The following LIN28B variants were observed in gnomAD, a reference collection of about 807,000 sequenced individuals.
LIN28B encodes protein lin-28 homolog B.
In LIN28B, 5 loss-of-function variants were observed where a neutral mutation model predicts 21.9. That is an observed-to-expected ratio of 0.23 (90% confidence interval 0.12 to 0.48). The LOEUF (loss-of-function observed/expected upper bound fraction) is 0.48. Among genes scored for constraint, LIN28B ranks in the 20% least tolerant of loss-of-function variants. The pLI is 0.98. For missense variants in LIN28B, 245 were observed against 310.5 expected, an observed-to-expected ratio of 0.79 and a Z score of 1.58; for synonymous variants, 109 against 111.3, an observed-to-expected ratio of 0.98 and a Z score of 0.13.
rs115075343 is a variant in LIN28B at position 104,976,896 on chromosome 6, A to G, written c.198+18610A>G. Among the ~76,000 whole-genome samples, 1,078 of 152,318 alleles carry G rather than the reference A, an allele frequency of 7.1e-3. 11 individuals carry two copies. Among genetic ancestry groups the G allele is most frequent in the African/African-American group, 0.024 (997 of 41,576 alleles). ...ATACTTTTTGTTAGCCCTTACCCTGAACATTGCTATTGGTGAATTTATTTA... is the reference window on the plus strand; with the variant it reads ...ATACTTTTTGTTAGCCCTTACCCTGGACATTGCTATTGGTGAATTTATTTA... On this transcript the variant is annotated intron_variant, in intron 2 of 3. Transcript: ENST00000345080.
intron 2 of LIN28B, among the ~76,000 whole-genome samples, chr6:104,967,576 C>CAAAAAAAA (rs71003462): frequency 1.7e-3 from 105 of 60,674 alleles, no homozygotes; most frequent in Non-Finnish European, 2.3e-3. Flanking sequence ...AACTCCCTCT[C>CAAAAAAAA]AAAAAAAAAA....
chr6:105,067,273 A>T (rs1772236707), intron 3 of LIN28B, among the ~76,000 whole-genome samples: 1 of 152,236 alleles, frequency 6.6e-6, no homozygotes, highest in Non-Finnish European at 1.5e-5. Context: ...GGTCAGTAAG[A>T]CCAAATAGAG....
chr6:104,973,442 C>T (rs314266), intron 2 of LIN28B, among the ~76,000 whole-genome samples: 76,089 of 151,884 alleles, frequency 0.5, 20,315 homozygotes, highest in East Asian at 0.69. Context: ...TTATTCCCTG[C>T]CCTATCATTA....
chr6:105,020,107 CTTTTTTTTTT>C (rs1158938023), intron 2 of LIN28B, among the ~76,000 whole-genome samples: 4 of 87,610 alleles, frequency 4.6e-5, no homozygotes, highest in Non-Finnish European at 8.8e-5. Flanking sequence ...TCCTGTTATT[CTTTTTTTTTT>C]TTTTTTTTTT....
At chr6:104,958,820 A>T (rs1456954337) in intron 2 of LIN28B, among the ~76,000 whole-genome samples, 1 of 152,226 alleles carries the variant, frequency 6.6e-6, no homozygotes, top group Non-Finnish European at 1.5e-5. Context: ...GTAAAATAAA[A>T]TAGAACACTG....
At chr6:105,003,847 A>G (rs901641295) in intron 2 of LIN28B, among the ~76,000 whole-genome samples, 2 of 152,184 alleles carry the variant, frequency 1.3e-5, no homozygotes, top group Non-Finnish European at 2.9e-5. Context: ...ACAAAGCAAT[A>G]ATTTTAAAAA....
intron 2 of LIN28B, among the ~76,000 whole-genome samples, chr6:104,976,424 G>C (rs1298533330): frequency 6.6e-6 from 1 of 152,128 alleles, no homozygotes; most frequent in African/African-American, 2.4e-5. Flanking sequence ...AAGGAGTTGT[G>C]GGCAGAGGCT....
Position 104,958,096 on chromosome 6 carries a change from C to T in LIN28B, c.11-3C>T, listed in dbSNP as rs1481544254. 4 of 1,562,912 alleles carry T rather than the reference C, an allele frequency of 2.6e-6. No homozygotes were observed. The highest frequency in any genetic ancestry group is 3.5e-6 in the Non-Finnish European group (4 of 1,146,224). On this transcript the variant is annotated splice_region_variant and splice_polypyrimidine_tract_variant and intron_variant, in intron 1 of 3. Transcript: ENST00000345080. Reference sequence around the variant, plus strand: ...CTGACTTTTTTGTCCTGTTCCTTCTCAGGCGGGGCTAGCAAAGGTGGTGGA... The same window carrying T: ...CTGACTTTTTTGTCCTGTTCCTTCTTAGGCGGGGCTAGCAAAGGTGGTGGA...
chr6:104,978,143 T>C (rs1178041475), intron 2 of LIN28B, among the ~76,000 whole-genome samples: 1 of 152,236 alleles, frequency 6.6e-6, no homozygotes, highest in Non-Finnish European at 1.5e-5. Context: ...CAAGATAGTT[T>C]TGGGCTACTG....
At chr6:105,070,735 G>A (rs188237116) in intron 3 of LIN28B, among the ~76,000 whole-genome samples, 2 of 151,932 alleles carry the variant, frequency 1.3e-5, no homozygotes, top group East Asian at 3.9e-4. Flanking sequence ...CCCTTATCAC[G>A]CCACTGCACT....
intron 3 of LIN28B, among the ~76,000 whole-genome samples, chr6:105,076,730 G>A (rs1330548071): frequency 6.6e-6 from 1 of 151,732 alleles, no homozygotes; most frequent in South Asian, 2.1e-4. Context: ...TCAGCCTCCC[G>A]AGTAGCTTGG....
intron 3 of LIN28B, among the ~76,000 whole-genome samples, chr6:105,047,159 T>C (rs1287855554): frequency 6.6e-6 from 1 of 152,200 alleles, no homozygotes; most frequent in African/African-American, 2.4e-5. Flanking sequence ...AGGTCTAACA[T>C]TTAAGTCTTT....
Position 105,078,399 on chromosome 6 carries a change from C to A in LIN28B, c.384-15C>A. On this transcript the variant is annotated splice_polypyrimidine_tract_variant and intron_variant, in intron 3 of 3. Coordinates refer to ENST00000345080, the MANE Select transcript of LIN28B (RefSeq NM_001004317.4). ...CTGCCTACTTCTAAGATGTTTTCAT[C>A]TTTTTTCCTTGTAGATGCTACAACT... 1 of 1,580,328 alleles carries A rather than the reference C, an allele frequency of 6.3e-7. No individual in the cohort carries two copies. The highest frequency in any genetic ancestry group is 8.6e-7 in the Non-Finnish European group (1 of 1,157,812).
chr6:105,080,845 A>T lies in LIN28B; in HGVS notation c.*2062A>T, dbSNP rs945899838. 1 of 152,664 alleles carries T rather than the reference A, an allele frequency of 6.6e-6. No homozygotes were observed. The highest frequency in any genetic ancestry group is 1.5e-5 in the Non-Finnish European group (1 of 68,050). 9.5% of individuals were successfully genotyped at this position (152,664 alleles called of 1,614,324 possible). Reference sequence around the variant, plus strand: ...ACATGATAGATAAGTCACTTTGAAAATTCAAACCAAAGTTCCTTCACCTTA... The same window carrying T: ...ACATGATAGATAAGTCACTTTGAAATTTCAAACCAAAGTTCCTTCACCTTA... On this transcript the variant is annotated 3_prime_UTR_variant, in exon 4 of 4. Transcript: ENST00000345080.
intron 2 of LIN28B, among the ~76,000 whole-genome samples, chr6:104,979,802 T>C (rs931834074): frequency 2.0e-5 from 3 of 152,244 alleles, no homozygotes; most frequent in African/African-American, 7.2e-5. Flanking sequence ...TTCTGAATTA[T>C]ATTTGTAGAT....
chr6:104,970,127 T>C (rs1251698285), intron 2 of LIN28B, among the ~76,000 whole-genome samples: 1 of 152,212 alleles, frequency 6.6e-6, no homozygotes, highest in African/African-American at 2.4e-5. Flanking sequence ...ATTGTTTATA[T>C]ACTGAATTTT....
At chr6:105,067,591 A>G (rs1772244214) in intron 3 of LIN28B, among the ~76,000 whole-genome samples, 1 of 151,928 alleles carries the variant, frequency 6.6e-6, no homozygotes, top group Non-Finnish European at 1.5e-5. Context: ...AAACTTTTCC[A>G]TTAGCCAGAA....
chr6:105,066,363 A>G (rs1772219835), intron 3 of LIN28B, among the ~76,000 whole-genome samples: 1 of 152,200 alleles, frequency 6.6e-6, no homozygotes, highest in Admixed American at 6.5e-5. Flanking sequence ...AAAGCTTTGA[A>G]TAACCCAGAA....
In LIN28B at chr6:105,050,793, AT is replaced by A. The variant is rs1021303951; in HGVS notation, c.383+24320del. 1.1e-4 allele frequency among the ~76,000 whole-genome samples: 16 copies of A among 150,750 alleles called. 1 individual carries two copies. Among genetic ancestry groups the A allele is most frequent in the African/African-American group, 3.7e-4 (15 of 40,706 alleles). On this transcript the variant is annotated intron_variant, in intron 3 of 3. Transcript: ENST00000345080. ...CAATGGCCTCATAAATTTTCTTAAA[AT>A]TTTTTTTTCTTTTAGACAGAGATCA...
Sources: gnomAD v4.1 joint callset for allele counts (sites outside exome capture counted in the v4.1 genomes callset) on GRCh38, gnomAD v4.1.1 for gene constraint, MANE v1.5 for transcripts, NCBI Gene and HGNC (gene_info 2026-07-23, HGNC 2026-07-21) for gene names.